Variants in ADAMTS6 observed in about 807,000 individuals in gnomAD.
ADAMTS6 encodes A disintegrin and metalloproteinase with thrombospondin motifs 6.
ADAMTS6 carries 23 observed loss-of-function variants against 144.3 expected under a neutral mutation model. The observed-to-expected ratio is 0.16, with a 90% CI of 0.11 to 0.23. ADAMTS6 has a LOEUF of 0.23. Among genes scored for constraint, ADAMTS6 ranks in the 10% least tolerant of loss-of-function variants. The probability of loss-of-function intolerance (pLI) is 1.00; values close to 1 mark genes in which losing one functional copy is unlikely to be tolerated. For missense variants in ADAMTS6, 999 were observed against 1,379.6 expected (o/e 0.72, Z 4.37); for synonymous variants, 444 against 457.5 (o/e 0.97, Z 0.38).
chr5:65,291,489 CA>C lies in ADAMTS6; in HGVS notation c.1371-20del. The C allele has an allele frequency of 1.3e-6, 2 of 1,585,366 alleles. No individual in the cohort carries two copies. The highest frequency in any genetic ancestry group is 1.7e-6 in the Non-Finnish European group (2 of 1,166,936). On this transcript the variant is annotated intron_variant, in intron 10 of 24. Transcript: ENST00000381055. ...GCCTGAACTGTTCAACATAAAGGAT[CA>C]AAGGAAATTAGGTATTCTATGGGCT...
intron 7 of ADAMTS6, among the ~76,000 whole-genome samples, chr5:65,417,678 G>C (rs1283075935): frequency 6.6e-6 from 1 of 151,926 alleles, no homozygotes. Flanking sequence ...TAAACAAGGA[G>C]GTAAAAGATC....
chr5:65,292,279 T>C (rs1245727937), intron 10 of ADAMTS6, among the ~76,000 whole-genome samples: 2 of 152,170 alleles, frequency 1.3e-5, no homozygotes, highest in Non-Finnish European at 2.9e-5. Flanking sequence ...GGACAGATGC[T>C]TTTTTACTTT....
At chr5:65,251,963 G>A (rs1017604872) in intron 14 of ADAMTS6, among the ~76,000 whole-genome samples, 2 of 152,242 alleles carry the variant, frequency 1.3e-5, no homozygotes, top group Middle Eastern at 3.4e-3. Flanking sequence ...TACCTCTTAA[G>A]TGTTTGGGGT....
At chr5:65,477,585 C>G (rs1192228558) in intron 1 of ADAMTS6, among the ~76,000 whole-genome samples, 1 of 152,058 alleles carries the variant, frequency 6.6e-6, no homozygotes, top group African/African-American at 2.4e-5. Flanking sequence ...ACCTATTTGG[C>G]CAGAAGTAGA....
chr5:65,225,771 T>C (rs1668247944), intron 16 of ADAMTS6, among the ~76,000 whole-genome samples: 1 of 152,208 alleles, frequency 6.6e-6, no homozygotes, highest in South Asian at 2.1e-4. Context: ...TGAATCCTCA[T>C]TCTCTCTCTT....
chr5:65,287,470 G>A (rs891489489), intron 11 of ADAMTS6, among the ~76,000 whole-genome samples: 1 of 152,012 alleles, frequency 6.6e-6, no homozygotes, highest in Non-Finnish European at 1.5e-5. Flanking sequence ...TTTGGAGTAG[G>A]TATATCACAT....
chr5:65,481,841 A>G lies in ADAMTS6; in HGVS notation c.-778T>C, dbSNP rs1460958072. 1 of 152,540 alleles carries G rather than the reference A, an allele frequency of 6.6e-6. No individual in the cohort carries two copies. Among genetic ancestry groups the G allele is most frequent in the Non-Finnish European group, 1.5e-5 (1 of 68,344 alleles). The allele number at this position is 152,540 out of a possible 1,614,324, so 9.4% of individuals were successfully genotyped here. ...CAAAGTTTTGTTGAAGTAGCCCTAG[A>G]TCTCACTACCGGCCCCCAGCCAACT... On this transcript the variant is annotated 5_prime_UTR_variant, in exon 1 of 25. Coordinates refer to ENST00000381055, the MANE Select transcript of ADAMTS6 (RefSeq NM_197941.4).
chr5:65,261,947 GA>G (rs11427401), intron 13 of ADAMTS6, among the ~76,000 whole-genome samples: 3,403 of 148,354 alleles, frequency 0.023, 115 homozygotes, highest in African/African-American at 0.079. Flanking sequence ...TTCAGAATGA[GA>G]AAAAAAAAAG....
chr5:65,323,742 A>G (rs1205919857), intron 9 of ADAMTS6, among the ~76,000 whole-genome samples: 1 of 152,112 alleles, frequency 6.6e-6, no homozygotes, highest in Non-Finnish European at 1.5e-5. Context: ...CAACAGTGTA[A>G]AAGTGTTCCT....
At chr5:65,466,835 G>T (rs915609298) in intron 3 of ADAMTS6, among the ~76,000 whole-genome samples, 3 of 152,194 alleles carry the variant, frequency 2.0e-5, no homozygotes, top group Non-Finnish European at 4.4e-5. Context: ...GAGGTCAGGA[G>T]ATCGAGACCA....
intron 22 of ADAMTS6, among the ~76,000 whole-genome samples, chr5:65,184,463 A>G (rs1049232011): frequency 3.9e-5 from 6 of 152,234 alleles, no homozygotes; most frequent in Non-Finnish European, 8.8e-5. Flanking sequence ...AATGCTATCT[A>G]AACATACGTA....
At chr5:65,217,063 C>T (rs1206225093) in intron 18 of ADAMTS6, among the ~76,000 whole-genome samples, 1 of 152,124 alleles carries the variant, frequency 6.6e-6, no homozygotes, top group East Asian at 1.9e-4. Flanking sequence ...ATCTCCCGAC[C>T]CCCATTTGCC....
chr5:65,162,802 C>T (rs1752865357), intron 24 of ADAMTS6, among the ~76,000 whole-genome samples: 1 of 152,114 alleles, frequency 6.6e-6, no homozygotes, highest in Admixed American at 6.6e-5. Flanking sequence ...TCTTCCAATT[C>T]TGAAAGAAAA....
intron 15 of ADAMTS6, among the ~76,000 whole-genome samples, chr5:65,236,636 C>G (rs1758694860): frequency 6.6e-6 from 1 of 151,992 alleles, no homozygotes; most frequent in Admixed American, 6.6e-5. Flanking sequence ...ACAAGAAATT[C>G]TAGAAAATTT....
intron 7 of ADAMTS6, among the ~76,000 whole-genome samples, chr5:65,369,546 A>C (rs998677087): frequency 2.0e-4 from 31 of 152,130 alleles, no homozygotes; most frequent in Non-Finnish European, 7.4e-5. Context: ...ATTAAAAAAA[A>C]AAACAGTAGA....
At chr5:65,175,114 C>A (rs936935997) in intron 22 of ADAMTS6, among the ~76,000 whole-genome samples, 3 of 151,988 alleles carry the variant, frequency 2.0e-5, no homozygotes, top group Non-Finnish European at 4.4e-5. Flanking sequence ...AGACCCCACA[C>A]CCCCCTCACC....
chr5:65,208,253 C>T (rs1260591961), intron 20 of ADAMTS6, among the ~76,000 whole-genome samples: 1 of 152,198 alleles, frequency 6.6e-6, no homozygotes, highest in African/African-American at 2.4e-5. Flanking sequence ...CAGTACTTCT[C>T]AACCGGGGCT....
chr5:65,321,350 A>G (rs967189646), intron 9 of ADAMTS6, among the ~76,000 whole-genome samples: 1 of 151,850 alleles, frequency 6.6e-6, no homozygotes, highest in Non-Finnish European at 1.5e-5. Context: ...TCTTGTTTGA[A>G]GTGTCTGTTC....
chr5:65,345,901 T>C (rs1748274568), intron 7 of ADAMTS6, among the ~76,000 whole-genome samples: 1 of 151,914 alleles, frequency 6.6e-6, no homozygotes, highest in Non-Finnish European at 1.5e-5. Context: ...ACATAGCTTA[T>C]TATTCCTAAA....
Sources: gnomAD v4.1 joint callset for allele counts (sites outside exome capture counted in the v4.1 genomes callset) on GRCh38, gnomAD v4.1.1 for gene constraint, MANE v1.5 for transcripts, NCBI Gene and HGNC (gene_info 2026-07-23, HGNC 2026-07-21) for gene names.